The following CCDC30 variants were observed in gnomAD, a reference collection of about 807,000 sequenced individuals.
The protein encoded by CCDC30 is coiled-coil domain-containing protein 30.
CCDC30 carries 70 observed loss-of-function variants against 100.2 expected under a neutral mutation model. The observed-to-expected ratio is 0.70, with a 90% CI of 0.58 to 0.85. The LOEUF (loss-of-function observed/expected upper bound fraction) is 0.85, where lower values mean the gene tolerates loss of function less well. Ranked by LOEUF, CCDC30 falls within the 40% of genes least tolerant of loss-of-function variation. CCDC30 has a pLI of 0.00. For synonymous variants in CCDC30, 233 were observed against 269.5 expected (o/e 0.86, Z 1.33); for missense variants, 652 against 771.2 (o/e 0.85, Z 1.83).
At chr1:42,472,138 C>A (rs915274072) in intron 1 of CCDC30, among the ~76,000 whole-genome samples, 1 of 152,088 alleles carries the variant, frequency 6.6e-6, no homozygotes, top group Non-Finnish European at 1.5e-5. Context: ...CCTGTAATCC[C>A]AGCTACTCAG....
upstream of CCDC30, among the ~76,000 whole-genome samples, chr1:42,461,795 C>A (rs958569680): frequency 4.6e-5 from 7 of 152,028 alleles, no homozygotes; most frequent in African/African-American, 1.7e-4. Flanking sequence ...TCTGCCCGCC[C>A]CGGCCTTCCA....
At chr1:42,474,340 C>G (rs1319589507) in intron 1 of CCDC30, among the ~76,000 whole-genome samples, 1 of 152,146 alleles carries the variant, frequency 6.6e-6, no homozygotes, top group Admixed American at 6.6e-5. Flanking sequence ...TTAATAGCAT[C>G]TTCAAAGGGA....
intron 7 of CCDC30, among the ~76,000 whole-genome samples, chr1:42,571,928 G>A (rs532317860): frequency 6.6e-6 from 1 of 152,310 alleles, no homozygotes; most frequent in Non-Finnish European, 1.5e-5. Flanking sequence ...TTCAGTCAAT[G>A]AATTTCAGAT....
intron 11 of CCDC30, among the ~76,000 whole-genome samples, chr1:42,629,857 G>A (rs1052272921): frequency 2.6e-5 from 4 of 151,556 alleles, no homozygotes; most frequent in South Asian, 2.1e-4. Context: ...CTCGTGATCC[G>A]TCGGCCTCAG....
intron 6 of CCDC30, among the ~76,000 whole-genome samples, chr1:42,513,789 C>T (rs573563062): frequency 7.9e-5 from 12 of 152,088 alleles, no homozygotes; most frequent in East Asian, 7.7e-4. Flanking sequence ...TTTATAAAGA[C>T]GAGGTTTATT....
At chr1:42,589,161 A>G (rs554353057) in intron 9 of CCDC30, among the ~76,000 whole-genome samples, 160 bp from the exon 14 acceptor site, 130 of 152,062 alleles carry the variant, frequency 8.5e-4, no homozygotes, top group Non-Finnish European at 1.4e-3. Flanking sequence ...AGCTTCTATC[A>G]CAAAAGAGGT....
chr1:42,520,750 C>T (rs1644628312), intron 6 of CCDC30, among the ~76,000 whole-genome samples: 1 of 144,160 alleles, frequency 6.9e-6, no homozygotes, highest in African/African-American at 2.6e-5. Context: ...ATGCCATTCT[C>T]CTGCCTCAGC....
chr1:42,552,730 A>C (rs72659980), intron 6 of CCDC30, among the ~76,000 whole-genome samples: 20,625 of 152,096 alleles, frequency 0.14, 1,534 homozygotes, highest in East Asian at 0.17. Flanking sequence ...GGGAGGAGTG[A>C]CTTGTGACTT....
chr1:42,586,061 AG>A (rs1646062526), intron 9 of CCDC30, among the ~76,000 whole-genome samples: 2 of 152,236 alleles, frequency 1.3e-5, no homozygotes, highest in Admixed American at 1.3e-4. Flanking sequence ...TTGCCATGAT[AG>A]TACATAACAC....
intron 6 of CCDC30, among the ~76,000 whole-genome samples, chr1:42,554,007 ATATG>A (rs1645314011): frequency 6.6e-6 from 1 of 152,060 alleles, no homozygotes; most frequent in African/African-American, 2.4e-5. Flanking sequence ...GTATATATAT[ATATG>A]TATGTATGTG....
intron 6 of CCDC30, among the ~76,000 whole-genome samples, chr1:42,506,679 A>G (rs909595015): frequency 1.3e-5 from 2 of 152,294 alleles, no homozygotes; most frequent in Middle Eastern, 3.4e-3. Flanking sequence ...TGGATGGTTT[A>G]GAGACCCTCT....
chr1:42,589,240 C>A (rs1379218100), intron 9 of CCDC30, 81 bp from the exon 14 acceptor site: 2 of 1,175,794 alleles, frequency 1.7e-6, no homozygotes, highest in Non-Finnish European at 2.4e-6. Context: ...AAAAAAAATC[C>A]CTTGTGATGC....
At chr1:42,519,860 T>C (rs537602698) in intron 6 of CCDC30, among the ~76,000 whole-genome samples, 48 of 152,296 alleles carry the variant, frequency 3.2e-4, no homozygotes, top group African/African-American at 1.1e-3. Context: ...GCCATGTTTT[T>C]AGAAATTTCT....
rs61638436 is a variant in CCDC30 at position 42,516,571 on chromosome 1, C to CAAA, written c.456+17672_456+17674dup. On this transcript the variant is annotated intron_variant, in intron 6 of 16. Coordinates refer to ENST00000668663, the Ensembl canonical transcript of CCDC30. ...TGGACGAGAGAGCAAGACTCCATCT[C>CAAA]AAAAAAAAAAAAAAAAAAAGAATCT... is the stretch of plus-strand genomic sequence containing the variant. 1.0e-3 allele frequency among the ~76,000 whole-genome samples: 104 copies of CAAA among 102,068 alleles called. 1 individual carries two copies. Among genetic ancestry groups the CAAA allele is most frequent in the Non-Finnish European group, 1.1e-3 (57 of 52,630 alleles). The allele number at this position is 102,068 out of a possible 152,430, so 67.0% of individuals were successfully genotyped here.
chr1:42,463,959 C>T (rs1338252811), intron 1 of CCDC30, 61 bp downstream of exon 1: 1 of 152,264 alleles, frequency 6.6e-6, no homozygotes, highest in Non-Finnish European at 1.5e-5. Context: ...ACTCCAAGCA[C>T]CAGCTTTCTC....
exon 10 of CCDC30, chr1:42,589,382 G>A (rs1404048700): frequency 5.0e-6 from 8 of 1,613,584 alleles, no homozygotes; most frequent in Non-Finnish European, 6.8e-6. Flanking sequence ...ACAAGATAAA[G>A]AAAATCTACT....
intron 6 of CCDC30, among the ~76,000 whole-genome samples, chr1:42,548,219 C>T (rs77387266): frequency 1.3e-5 from 2 of 152,310 alleles, no homozygotes; most frequent in African/African-American, 2.4e-5. Context: ...CAGTGGGAAA[C>T]TACTACAGTG....
chr1:42,479,305 G>C (rs1643920672), intron 1 of CCDC30, among the ~76,000 whole-genome samples: 2 of 152,078 alleles, frequency 1.3e-5, no homozygotes, highest in Non-Finnish European at 2.9e-5. Flanking sequence ...GAACATGGGA[G>C]GTGGAGGTTG....
intron 6 of CCDC30, among the ~76,000 whole-genome samples, chr1:42,535,855 T>G (rs1418364640): frequency 6.8e-6 from 1 of 147,712 alleles, no homozygotes; most frequent in Non-Finnish European, 1.5e-5. Context: ...TCCTAATAGG[T>G]TTTTTTACAT....
Sources: gnomAD v4.1 joint callset for allele counts (sites outside exome capture counted in the v4.1 genomes callset) on GRCh38, gnomAD v4.1.1 for gene constraint, MANE v1.5 for transcripts, NCBI Gene and HGNC (gene_info 2026-07-23, HGNC 2026-07-21) for gene names.